CFAP58: variants seen among roughly 807,000 people sequenced by gnomAD.
CFAP58 encodes cilia- and flagella-associated protein 58.
A neutral mutation model predicts 119.5 loss-of-function variants in CFAP58; 88 were observed. The ratio of observed to expected loss-of-function variants is 0.74; its 90% CI spans 0.62 to 0.88. The LOEUF (loss-of-function observed/expected upper bound fraction) is 0.88. Ranked by LOEUF, CFAP58 falls within the 40% of genes least tolerant of loss-of-function variation. CFAP58 has a pLI of 0.00. For synonymous variants in CFAP58, 365 were observed against 366.3 expected, an observed-to-expected ratio of 1.00 and a Z score of 0.04; for missense variants, 990 against 1,021.2, an observed-to-expected ratio of 0.97 and a Z score of 0.42.
At chr10:104,370,679 G>C (rs534074679) in intron 6 of CFAP58, among the ~76,000 whole-genome samples, 2 of 152,236 alleles carry the variant, frequency 1.3e-5, no homozygotes, top group African/African-American at 4.8e-5. Flanking sequence ...ATTATTTTTA[G>C]TTTATAAAAA....
chr10:104,384,832 G>T (rs2011889543), intron 9 of CFAP58, among the ~76,000 whole-genome samples: 4 of 152,156 alleles, frequency 2.6e-5, no homozygotes, highest in African/African-American at 9.7e-5. Context: ...TGTGAGAAAA[G>T]TAACAGGAAG....
In CFAP58 at chr10:104,404,881, G is replaced by A. The variant is rs139396256; in HGVS notation, c.2151+1041G>A. ...CAAAGTGCTGGGATTACAGGCGTGA[G>A]CCACCACGCCCAGGCTTTGTTTTTC... On this transcript the variant is annotated intron_variant, in intron 14 of 17. Transcript: ENST00000369704. Among the ~76,000 whole-genome samples the A allele has an allele frequency of 4.8e-3, 738 of 152,298 alleles. 10 individuals are homozygous for A. Among genetic ancestry groups the A allele is most frequent in the African/African-American group, 0.017 (696 of 41,574 alleles).
intron 14 of CFAP58, among the ~76,000 whole-genome samples, chr10:104,405,813 A>G (rs1032576858): frequency 1.3e-5 from 2 of 152,188 alleles, no homozygotes; most frequent in African/African-American, 4.8e-5. Flanking sequence ...GCTTCATTCC[A>G]TTCAAGAATT....
At chr10:104,416,057 T>C (rs1006191580) in intron 15 of CFAP58, among the ~76,000 whole-genome samples, 1 of 152,166 alleles carries the variant, frequency 6.6e-6, no homozygotes. Flanking sequence ...GGGACTCATT[T>C]TGGGGAAAGG....
upstream of CFAP58, among the ~76,000 whole-genome samples, chr10:104,352,455 A>G (rs1463684444): frequency 6.6e-6 from 1 of 152,220 alleles, no homozygotes. Context: ...TGGCTGGCGT[A>G]CAGAGATTTT....
At chr10:104,377,373 C>G (rs1417922712) in intron 8 of CFAP58, among the ~76,000 whole-genome samples, 1 of 152,140 alleles carries the variant, frequency 6.6e-6, no homozygotes, top group Non-Finnish European at 1.5e-5. Context: ...TGTTTTCTGT[C>G]CTTATCTTGT....
chr10:104,343,888 G>A, the CFAP58 span, among the ~76,000 whole-genome samples: 1 of 152,150 alleles, frequency 6.6e-6, no homozygotes, highest in Non-Finnish European at 1.5e-5. Flanking sequence ...GACTACAAGT[G>A]TGTGCCACCA....
intron 15 of CFAP58, among the ~76,000 whole-genome samples, chr10:104,409,134 G>A (rs987782600): frequency 6.6e-6 from 1 of 151,888 alleles, no homozygotes; most frequent in African/African-American, 2.4e-5. Context: ...CTTTCCACAG[G>A]TTTTGATATG....
chr10:104,415,640 A>G (rs2012539292), intron 15 of CFAP58, among the ~76,000 whole-genome samples: 1 of 152,064 alleles, frequency 6.6e-6, no homozygotes, highest in Admixed American at 6.6e-5. Flanking sequence ...TGTGAGGAGG[A>G]GGCTCAGGGC....
chr10:104,415,743 T>A (rs2012541523), intron 15 of CFAP58, among the ~76,000 whole-genome samples: 2 of 152,186 alleles, frequency 1.3e-5, no homozygotes, highest in South Asian at 4.1e-4. Flanking sequence ...GTGATTCACC[T>A]AAGGTATGCA....
chr10:104,364,994 C>A, intron 4 of CFAP58, 105 bp downstream of exon 4: 3 of 1,180,682 alleles, frequency 2.5e-6, no homozygotes, highest in Non-Finnish European at 3.6e-6. Flanking sequence ...TACCCCCTAG[C>A]GCCCAAATGA....
Position 104,371,034 on chromosome 10 carries a change from A to C in CFAP58, c.1070A>C (p.Gln357Pro). 2 of 1,610,240 alleles carry C rather than the reference A, an allele frequency of 1.2e-6. No homozygotes were observed. Among genetic ancestry groups the C allele is most frequent in the South Asian group, 1.1e-5 (1 of 90,188 alleles). ...VEQHKETLKN[Q>P]IVGLEREVEA... ...CAGCACAAAGAAACCCTAAAAAATC[A>C]GATTGTGGGATTAGAGAGAGGTAAA... The change falls in exon 7 of 18, where the codon CAG (glutamine) becomes CCG (proline). Residue 357 changes from glutamine to proline, a missense_variant. Coordinates refer to ENST00000369704, the MANE Select transcript of CFAP58 (RefSeq NM_001008723.2).
At chr10:104,371,892 A>G (rs2014828272) in intron 7 of CFAP58, among the ~76,000 whole-genome samples, 1 of 152,228 alleles carries the variant, frequency 6.6e-6, no homozygotes, top group African/African-American at 2.4e-5. Flanking sequence ...AGGCAGGAAC[A>G]TCTGTGTCCT....
rs183004830 is a variant in CFAP58, at chr10:104,453,991, T to C, written c.2511-431T>C. Among the ~76,000 whole-genome samples the C allele has an allele frequency of 5.2e-3, 792 of 152,306 alleles. 2 individuals carry two copies. Among genetic ancestry groups the C allele is most frequent in the Middle Eastern group, 0.017 (5 of 294 alleles). ...GTCCAAGTTTGATGAAGATACCTTC[T>C]GTGTAGTAAATATTTATAAGTTTCT... On this transcript the variant is annotated intron_variant, in intron 17 of 17. Transcript: ENST00000369704.
Position 104,380,296 on chromosome 10 carries a change from T to A in CFAP58, c.1365+76T>A, listed in dbSNP as rs890618358. ...CGCATTTCTGATGGTCACAAACTGT[T>A]GCAAAGAGAATTTATTCAGATTTCT... On this transcript the variant is annotated intron_variant, in intron 9 of 17. Transcript: ENST00000369704. 24 of 1,293,818 alleles carry A rather than the reference T, an allele frequency of 1.9e-5. No homozygotes were observed. The African/African-American group carries it at 3.0e-4, about 16-fold the overall frequency. 80.1% of individuals were successfully genotyped at this position (1,293,818 alleles called of 1,614,324 possible).
At chr10:104,367,808 C>G (rs573273367) in intron 5 of CFAP58, among the ~76,000 whole-genome samples, 2 of 152,306 alleles carry the variant, frequency 1.3e-5, no homozygotes, top group African/African-American at 4.8e-5. Context: ...AAGATATAAT[C>G]CTTTGTTTTT....
At chr10:104,378,791 G>A (rs986576100) in intron 8 of CFAP58, among the ~76,000 whole-genome samples, 2 of 152,042 alleles carry the variant, frequency 1.3e-5, no homozygotes, top group African/African-American at 4.8e-5. Flanking sequence ...AGTTAAAGAG[G>A]TGAACACTTT....
chr10:104,410,439 T>G (rs1336613300), intron 15 of CFAP58, among the ~76,000 whole-genome samples: 1 of 152,238 alleles, frequency 6.6e-6, no homozygotes, highest in African/African-American at 2.4e-5. Context: ...CAATAGATTT[T>G]TCAATGGTTA....
chr10:104,410,566 T>C (rs1308642564), intron 15 of CFAP58, among the ~76,000 whole-genome samples: 1 of 152,224 alleles, frequency 6.6e-6, no homozygotes, highest in Non-Finnish European at 1.5e-5. Flanking sequence ...GTCCCCAGCT[T>C]CCAGTGATGT....
Sources: allele counts gnomAD v4.1 joint callset (sites outside exome capture counted in the v4.1 genomes callset), GRCh38; gene constraint gnomAD v4.1.1; transcripts MANE v1.5; gene names NCBI Gene and HGNC (gene_info 2026-07-23, HGNC 2026-07-21).